Variants in ZC3H11A observed in about 807,000 individuals in gnomAD.
ZC3H11A encodes zinc finger CCCH domain-containing protein 11A.
ZC3H11A carries 22 observed loss-of-function variants against 90.8 expected under a neutral mutation model. That is an observed-to-expected ratio of 0.24 (90% CI 0.17 to 0.35). ZC3H11A has a LOEUF of 0.35. Ranked by LOEUF, ZC3H11A falls within the 10% of genes least tolerant of loss-of-function variation. ZC3H11A has a pLI of 1.00. For synonymous variants in ZC3H11A, 294 were observed against 339.8 expected, an observed-to-expected ratio of 0.87 and a Z score of 1.48; for missense variants, 701 against 964.9, an observed-to-expected ratio of 0.73 and a Z score of 3.62.
rs552494821 is a variant in ZC3H11A at position 203,799,700 on chromosome 1, C to G, written c.-1587-1875C>G. ...ATCTACTCCTTTCCCTGCAGAAACT[C>G]AGAGAAGATTTTCAAGTCAGAGGTA... is the stretch of plus-strand genomic sequence containing the variant. On this transcript the variant is annotated intron_variant, in intron 1 of 17. Coordinates refer to ENST00000367210, the MANE Select transcript of ZC3H11A (RefSeq NM_001376342.1). 5 of 716,228 alleles carry G rather than the reference C, an allele frequency of 7.0e-6. No individual in the cohort carries two copies. The Admixed American group carries it at 1.0e-4, about 14-fold the overall frequency. 44.4% of individuals were successfully genotyped at this position (716,228 alleles called of 1,614,324 possible). A position where few individuals can be genotyped will look rare whatever the true frequency, so the allele number is the denominator to read the frequency against.
chr1:203,829,962 A>T (rs1266466384), intron 7 of ZC3H11A, 66 bp downstream of exon 7: 6 of 1,460,666 alleles, frequency 4.1e-6, no homozygotes, highest in Non-Finnish European at 5.8e-6. Context: ...TTTAGTTCAC[A>T]ATCATTGACC....
At chr1:203,797,787 T>G (rs1290037581) in intron 1 of ZC3H11A, 13 of 1,535,914 alleles carry the variant, frequency 8.5e-6, no homozygotes, top group Non-Finnish European at 1.1e-5. Flanking sequence ...TAGTAAGGAT[T>G]TGGGATCTGG....
At position 203,802,197 on chromosome 1, in the gene ZC3H11A, G is replaced by A. The variant is rs936752310; in HGVS notation, c.-965G>A. On this transcript the variant is annotated 5_prime_UTR_variant, in exon 2 of 18. Coordinates refer to ENST00000367210, the MANE Select transcript of ZC3H11A (RefSeq NM_001376342.1). ...TTTTGGTTAAACACTCCCTGATGAC[G>A]ATGATGGATATATATACATACATCC... 9 of 152,486 alleles carry A rather than the reference G, an allele frequency of 5.9e-5. No homozygotes were observed. Among genetic ancestry groups the A allele is most frequent in the African/African-American group, 2.2e-4 (9 of 41,392 alleles). 9.4% of individuals were successfully genotyped at this position (152,486 alleles called of 1,614,324 possible). A position where few individuals can be genotyped will look rare whatever the true frequency, so the allele number is the denominator to read the frequency against.
chr1:203,848,293 A>C, intron 13 of ZC3H11A, 38 bp from the exon 14 acceptor site: 1 of 1,548,984 alleles, frequency 6.5e-7, no homozygotes, highest in African/African-American at 1.4e-5. Flanking sequence ...GTTGCAGCTT[A>C]AATAAAATAA....
chr1:203,841,674 C>T (rs899956960), intron 12 of ZC3H11A, among the ~76,000 whole-genome samples: 7 of 152,224 alleles, frequency 4.6e-5, no homozygotes, highest in Admixed American at 3.9e-4. Context: ...TTGGGTACAC[C>T]TCCCAGACGG....
chr1:203,803,578 T>C (rs1430111005), intron 2 of ZC3H11A, among the ~76,000 whole-genome samples: 1 of 152,188 alleles, frequency 6.6e-6, no homozygotes, highest in African/African-American at 2.4e-5. Flanking sequence ...TTCCTGTAAT[T>C]CCATCTCCTT....
chr1:203,817,169 A>G, intron 3 of ZC3H11A, 45 bp downstream of exon 3: 1 of 1,501,554 alleles, frequency 6.7e-7, no homozygotes, highest in South Asian at 1.3e-5. Context: ...CAATTTGCTT[A>G]ATAGAATTGG....
In ZC3H11A at chr1:203,847,383, A is replaced by G; in HGVS notation, c.1242A>G (p.Lys414=). 6.2e-7 allele frequency: 1 copy of G among 1,614,022 alleles called. No individual in the cohort carries two copies. Among genetic ancestry groups the G allele is most frequent in the South Asian group, 1.1e-5 (1 of 91,080 alleles). Residue 414 remains lysine, a synonymous_variant, in exon 13 of 18, where the codon AAA becomes AAG. Transcript: ENST00000367210. ...KTFSEVLAEK[K]HRQQEAERQK... ...TCTCTGAGGTCCTGGCTGAAAAAAA[A>G]CATCGGCAGCAGGAAGCAGAGAGAC...
chr1:203,820,482 G>GTGTGTGTGTGTGTGTGTGTA lies in ZC3H11A; in HGVS notation c.174+1794_174+1795insGTGTGTGTGTGTGTGTGTAT, dbSNP rs1266406820. On this transcript the variant is annotated intron_variant, in intron 4 of 17. Transcript: ENST00000367210. ...TATCACAAATTATGTGTGTGTGTGT[G>GTGTGTGTGTGTGTGTGTGTA]TATATTTTGAGTTGAGACAGAGTCT... 1.6e-3 allele frequency among the ~76,000 whole-genome samples: 245 copies of GTGTGTGTGTGTGTGTGTGTA among 151,966 alleles called. 1 individual carries two copies. Among genetic ancestry groups the GTGTGTGTGTGTGTGTGTGTA allele is most frequent in the African/African-American group, 5.6e-3 (231 of 41,458 alleles).
At chr1:203,798,947 T>C (rs1404849036) in intron 1 of ZC3H11A, 59 of 1,536,006 alleles carry the variant, frequency 3.8e-5, no homozygotes, top group Non-Finnish European at 4.4e-5. Flanking sequence ...TAGAGAATGT[T>C]CAAAGCCAAA....
At chr1:203,835,868 C>T (rs1437440403) in intron 10 of ZC3H11A, 1 of 246,070 alleles carries the variant, frequency 4.1e-6, no homozygotes, top group Non-Finnish European at 8.9e-6. Context: ...GGAGACCCCA[C>T]TTATAGCCAG....
chr1:203,798,616 ACT>A (rs1368158677), intron 1 of ZC3H11A: 10 of 1,535,974 alleles, frequency 6.5e-6, no homozygotes, highest in East Asian at 2.4e-5. Context: ...GACCTTAGTG[ACT>A]CTGATTCAGA....
Position 203,801,834 on chromosome 1 carries a change from A to G in ZC3H11A, c.-1328A>G, listed in dbSNP as rs1670630160. The stretch of plus-strand genomic sequence containing the variant: ...TGGTTTTGATTTTTTTTTTTTTTAA[A>G]TTCTTAAATGGTAAATATGCCATTG... On this transcript the variant is annotated 5_prime_UTR_variant, in exon 2 of 18. Coordinates refer to ENST00000367210, the MANE Select transcript of ZC3H11A (RefSeq NM_001376342.1). The G allele has an allele frequency of 6.8e-6, 1 of 146,518 alleles. No homozygotes were observed. Among genetic ancestry groups the G allele is most frequent in the Non-Finnish European group, 1.5e-5 (1 of 66,650 alleles). The allele number at this position is 146,518 out of a possible 1,614,324, so 9.1% of individuals were successfully genotyped here.
chr1:203,813,987 A>G (rs1465515409), intron 2 of ZC3H11A, among the ~76,000 whole-genome samples: 1 of 149,766 alleles, frequency 6.7e-6, no homozygotes, highest in African/African-American at 2.5e-5. Context: ...TTTTTTTGCA[A>G]TATGGATAGA....
intron 2 of ZC3H11A, chr1:203,805,659 G>C: frequency 1.4e-6 from 1 of 707,246 alleles, no homozygotes; most frequent in Non-Finnish European, 2.6e-6. Flanking sequence ...TCATCCACCA[G>C]AACTCCATCC....
intron 2 of ZC3H11A, among the ~76,000 whole-genome samples, chr1:203,813,744 T>G (rs1675288349): frequency 6.6e-6 from 1 of 152,100 alleles, no homozygotes; most frequent in Admixed American, 6.6e-5. Context: ...TTCTGGTGTT[T>G]GTTGGCAATC....
rs536675707 is a variant in ZC3H11A, at chr1:203,812,822, C to G, written c.-145-4104C>G. 2.9e-4 allele frequency among the ~76,000 whole-genome samples: 44 copies of G among 152,002 alleles called. No homozygotes were observed. In the East Asian group the frequency reaches 6.4e-3, roughly 22 times the overall value. On this transcript the variant is annotated intron_variant, in intron 2 of 17. Transcript: ENST00000367210. ...GTCTTGAACTCCTGACCTCAGATGA[C>G]CCACCTGCCTCGGCCTCCCAAAGTG...
At chr1:203,842,877 C>T (rs1163181321) in intron 12 of ZC3H11A, among the ~76,000 whole-genome samples, 1 of 148,762 alleles carries the variant, frequency 6.7e-6, no homozygotes, top group Admixed American at 6.7e-5. Context: ...TATATATGTA[C>T]AGTTTAAGGA....
At chr1:203,821,150 T>A (rs969201272) in intron 4 of ZC3H11A, among the ~76,000 whole-genome samples, 6 of 152,086 alleles carry the variant, frequency 3.9e-5, no homozygotes, top group African/African-American at 1.4e-4. Context: ...AGTGAGTGCG[T>A]TCTCGTGAGA....
Sources: allele counts gnomAD v4.1 joint callset (sites outside exome capture counted in the v4.1 genomes callset), GRCh38; gene constraint gnomAD v4.1.1; transcripts MANE v1.5; gene names NCBI Gene and HGNC (gene_info 2026-07-23, HGNC 2026-07-21).